The following CDKAL1 variants were observed in gnomAD, a reference collection of about 807,000 sequenced individuals.
The protein encoded by CDKAL1 is threonylcarbamoyladenosine tRNA methylthiotransferase.
Under a neutral mutation model 68.2 loss-of-function variants are expected in CDKAL1, and 32 were observed. That is an observed-to-expected ratio of 0.47 (90% CI 0.35 to 0.63). The LOEUF is 0.63. CDKAL1 is among the 30% of genes least tolerant of loss of function. CDKAL1 has a pLI of 0.00. For missense variants in CDKAL1, 606 were observed against 696.7 expected (o/e 0.87, Z 1.47); for synonymous variants, 234 against 244.3 (o/e 0.96, Z 0.39).
At chr6:20,874,061 C>T (rs1760360603) in intron 9 of CDKAL1, among the ~76,000 whole-genome samples, 1 of 152,066 alleles carries the variant, frequency 6.6e-6, no homozygotes, top group Non-Finnish European at 1.5e-5. Context: ...TTTGTTTGTA[C>T]TGGCTTGAAG....
At chr6:21,217,482 T>A (rs1779382126) in intron 15 of CDKAL1, among the ~76,000 whole-genome samples, 1 of 141,012 alleles carries the variant, frequency 7.1e-6, no homozygotes, top group Non-Finnish European at 1.5e-5. Flanking sequence ...TTATTTTTTA[T>A]TTTTATTTAT....
At chr6:21,083,709 A>G (rs1227662556) in intron 12 of CDKAL1, among the ~76,000 whole-genome samples, 2 of 152,208 alleles carry the variant, frequency 1.3e-5, no homozygotes, top group African/African-American at 4.8e-5. Flanking sequence ...TCAGTCTAGG[A>G]TCATGGCTTG....
intron 8 of CDKAL1, among the ~76,000 whole-genome samples, chr6:20,811,309 T>A (rs73383315): frequency 1.3e-5 from 2 of 152,206 alleles, no homozygotes; most frequent in Non-Finnish European, 2.9e-5. Context: ...CTTAACATTC[T>A]GCATTTATCT....
intron 4 of CDKAL1, among the ~76,000 whole-genome samples, chr6:20,601,591 G>A (rs1476340120): frequency 6.6e-6 from 1 of 152,138 alleles, no homozygotes; most frequent in Admixed American, 6.6e-5. Flanking sequence ...GCTGGTAGTT[G>A]ATGAGGATGA....
intron 7 of CDKAL1, among the ~76,000 whole-genome samples, chr6:20,769,701 C>T (rs534235493): frequency 8.5e-5 from 13 of 152,236 alleles, no homozygotes; most frequent in East Asian, 3.9e-4. Context: ...ACGTCATTAG[C>T]GCTGTATGTT....
chr6:21,014,119 T>C (rs919741569), intron 11 of CDKAL1, among the ~76,000 whole-genome samples: 3 of 152,208 alleles, frequency 2.0e-5, no homozygotes, highest in Non-Finnish European at 4.4e-5. Context: ...TTACTGTCTT[T>C]GAAATTGTAC....
intron 8 of CDKAL1, among the ~76,000 whole-genome samples, chr6:20,810,629 T>TGTATGG (rs1561796641): frequency 5.6e-5 from 1 of 17,996 alleles, no homozygotes; most frequent in East Asian, 2.2e-3. Context: ...TATGTATGGG[T>TGTATGG]GTGTGTGTGT....
chr6:21,227,064 G>A (rs1300571752), intron 15 of CDKAL1, among the ~76,000 whole-genome samples: 4 of 152,246 alleles, frequency 2.6e-5, no homozygotes, highest in Non-Finnish European at 4.4e-5. Flanking sequence ...TACTTTGAGC[G>A]ATGCAGATAT....
At chr6:20,586,252 A>G (rs887207834) in intron 4 of CDKAL1, among the ~76,000 whole-genome samples, 63 of 152,328 alleles carry the variant, frequency 4.1e-4, no homozygotes, top group African/African-American at 1.4e-3. Context: ...TTTTCCACAC[A>G]GTGATCAGAG....
intron 11 of CDKAL1, among the ~76,000 whole-genome samples, chr6:21,035,598 T>A (rs1377794954): frequency 6.6e-6 from 1 of 152,140 alleles, no homozygotes; most frequent in Non-Finnish European, 1.5e-5. Context: ...TAAAATGTAT[T>A]AATACAGTAC....
chr6:21,171,294 C>A (rs1344372205), intron 13 of CDKAL1, among the ~76,000 whole-genome samples: 1 of 152,114 alleles, frequency 6.6e-6, no homozygotes, highest in Non-Finnish European at 1.5e-5. Flanking sequence ...CTCACTGCAA[C>A]CTCTGCCTCC....
intron 12 of CDKAL1, among the ~76,000 whole-genome samples, chr6:21,084,374 G>A (rs1003532571): frequency 6.6e-6 from 1 of 152,144 alleles, no homozygotes; most frequent in African/African-American, 2.4e-5. Context: ...TATTTACTTG[G>A]CAGATAATAC....
intron 4 of CDKAL1, among the ~76,000 whole-genome samples, chr6:20,555,629 T>TG (rs1348902423): frequency 6.8e-6 from 1 of 147,492 alleles, no homozygotes; most frequent in Admixed American, 6.8e-5. Context: ...AGAGTTGTTT[T>TG]TTTTTTTTTT....
intron 13 of CDKAL1, among the ~76,000 whole-genome samples, chr6:21,131,964 A>G (rs1266002011): frequency 6.6e-6 from 1 of 152,180 alleles, no homozygotes; most frequent in Non-Finnish European, 1.5e-5. Flanking sequence ...ACCATAGGAA[A>G]AAAATTTAAC....
In CDKAL1 at chr6:21,077,393, G is replaced by A. The variant is rs1277257354; in HGVS notation, c.1236+12165G>A. Among the ~76,000 whole-genome samples, 5 of 152,090 alleles carry A rather than the reference G, an allele frequency of 3.3e-5. No individual in the cohort carries two copies. The East Asian group carries it at 5.8e-4, about 18-fold the overall frequency. ...TCAAAGATATCCATGTCCTAATCCC[G>A]AAACTTGTGAATATGTTACCTTGCA... On this transcript the variant is annotated intron_variant, in intron 12 of 15. Transcript: ENST00000274695.
At chr6:21,049,527 A>G (rs989294229) in intron 11 of CDKAL1, among the ~76,000 whole-genome samples, 3 of 152,200 alleles carry the variant, frequency 2.0e-5, no homozygotes, top group Non-Finnish European at 4.4e-5. Context: ...TTTCTTTTAA[A>G]TACTATAACA....
rs566698704 is a variant in CDKAL1, at chr6:21,103,878, A to G, written c.1237-4523A>G. 2.6e-5 allele frequency among the ~76,000 whole-genome samples: 4 copies of G among 152,354 alleles called. No individual in the cohort carries two copies. In the South Asian group the frequency reaches 8.3e-4, roughly 32 times the overall value. ...CTAAAAACTGGGAGGTAATTTAGAC[A>G]TACACTATGATGCAATAGGAAAATA... On this transcript the variant is annotated intron_variant, in intron 12 of 15. Transcript: ENST00000274695.
intron 11 of CDKAL1, among the ~76,000 whole-genome samples, chr6:21,009,502 G>A (rs993309331): frequency 6.6e-6 from 1 of 152,144 alleles, no homozygotes; most frequent in African/African-American, 2.4e-5. Flanking sequence ...CCCACTACTA[G>A]CTGTTTATCC....
At chr6:20,731,381 C>A (rs1479556820) in intron 5 of CDKAL1, among the ~76,000 whole-genome samples, 1 of 152,122 alleles carries the variant, frequency 6.6e-6, no homozygotes, top group Non-Finnish European at 1.5e-5. Context: ...TGATAAGTGG[C>A]TTAAACCTGG....
Sources: gnomAD v4.1 joint callset for allele counts (sites outside exome capture counted in the v4.1 genomes callset) on GRCh38, gnomAD v4.1.1 for gene constraint, MANE v1.5 for transcripts, NCBI Gene and HGNC (gene_info 2026-07-23, HGNC 2026-07-21) for gene names.